THSD4: variants seen among roughly 807,000 people sequenced by gnomAD.
The protein encoded by THSD4 is thrombospondin type 1 domain containing 4.
Under a neutral mutation model 119.0 loss-of-function variants are expected in THSD4, and 69 were observed. That is an observed-to-expected ratio of 0.58 (90% CI 0.48 to 0.71). The LOEUF is 0.71. THSD4 is among the 30% of genes least tolerant of loss of function. The pLI is 0.00. For synonymous variants in THSD4, 524 were observed against 540.4 expected, an observed-to-expected ratio of 0.97 and a Z score of 0.42; for missense variants, 1,393 against 1,391.1, an observed-to-expected ratio of 1.00 and a Z score of -0.02.
At chr15:71,296,280 A>G (rs748052703) in intron 6 of THSD4, among the ~76,000 whole-genome samples, 1 of 152,206 alleles carries the variant, frequency 6.6e-6, no homozygotes, top group Non-Finnish European at 1.5e-5. Flanking sequence ...TCAACAATAG[A>G]TAAGGGTTAC....
intron 6 of THSD4, among the ~76,000 whole-genome samples, chr15:71,259,445 A>G (rs1425562526): frequency 6.6e-6 from 1 of 152,112 alleles, no homozygotes; most frequent in African/African-American, 2.4e-5. Flanking sequence ...AAGGTTCTGG[A>G]TTGATTGAGA....
At chr15:71,647,419 T>C (rs970312291) in intron 7 of THSD4, among the ~76,000 whole-genome samples, 1 of 152,204 alleles carries the variant, frequency 6.6e-6, no homozygotes, top group African/African-American at 2.4e-5. Flanking sequence ...TGAAGGAGCC[T>C]TCATGTTTAA....
intron 6 of THSD4, among the ~76,000 whole-genome samples, chr15:71,411,295 C>T (rs572946397): frequency 6.6e-6 from 1 of 152,224 alleles, no homozygotes; most frequent in African/African-American, 2.4e-5. Flanking sequence ...CCTCTATCAT[C>T]AAATATGGGG....
At chr15:71,246,619 A>G (rs1208864681) in intron 5 of THSD4, among the ~76,000 whole-genome samples, 1 of 152,174 alleles carries the variant, frequency 6.6e-6, no homozygotes, top group African/African-American at 2.4e-5. Flanking sequence ...ATTAAGACCT[A>G]TCTTATGGTG....
intron 4 of THSD4, among the ~76,000 whole-genome samples, chr15:71,224,866 C>T (rs937185284): frequency 2.4e-4 from 37 of 152,186 alleles, no homozygotes; most frequent in African/African-American, 8.4e-4. Context: ...CCCAGGTAAT[C>T]CAGGATAATC....
chr15:71,214,998 G>T, intron 3 of THSD4, 37 bp from the exon 4 acceptor site: 2 of 1,238,212 alleles, frequency 1.6e-6, no homozygotes, highest in African/African-American at 1.6e-5. Flanking sequence ...AGAGAGGAGC[G>T]GTGTTCTGGT....
intron 7 of THSD4, among the ~76,000 whole-genome samples, chr15:71,471,729 G>C (rs898320085): frequency 2.6e-5 from 4 of 151,452 alleles, no homozygotes; most frequent in African/African-American, 9.7e-5. Context: ...TCTATCAAGT[G>C]GGGGTCATAA....
At chr15:71,353,530 G>A (rs1027914890) in intron 6 of THSD4, among the ~76,000 whole-genome samples, 1 of 152,168 alleles carries the variant, frequency 6.6e-6, no homozygotes, top group Non-Finnish European at 1.5e-5. Flanking sequence ...TACATCTGAG[G>A]TCCCTGACCC....
intron 7 of THSD4, among the ~76,000 whole-genome samples, chr15:71,460,382 A>G (rs1341458406): frequency 6.6e-6 from 1 of 151,080 alleles, no homozygotes; most frequent in African/African-American, 2.4e-5. Flanking sequence ...TGGTATATTA[A>G]AAGGCACTTA....
chr15:71,664,143 C>T (rs966807022), intron 8 of THSD4, among the ~76,000 whole-genome samples: 11 of 151,968 alleles, frequency 7.2e-5, no homozygotes, highest in Non-Finnish European at 1.2e-4. Flanking sequence ...CCACCATACC[C>T]GGCTAATTTT....
intron 8 of THSD4, among the ~76,000 whole-genome samples, chr15:71,718,448 G>A (rs2052651351): frequency 6.6e-6 from 1 of 152,192 alleles, no homozygotes; most frequent in African/African-American, 2.4e-5. Context: ...GCTGGGAGAG[G>A]CATGGTAGGT....
intron 7 of THSD4, among the ~76,000 whole-genome samples, chr15:71,514,731 T>A (rs889896433): frequency 4.6e-5 from 7 of 152,328 alleles, no homozygotes; most frequent in African/African-American, 1.4e-4. Flanking sequence ...TAATCTCTGA[T>A]CTTTGTTTTT....
chr15:71,427,028 A>G (rs996176224), intron 7 of THSD4, among the ~76,000 whole-genome samples: 3 of 152,076 alleles, frequency 2.0e-5, no homozygotes, highest in Non-Finnish European at 2.9e-5. Context: ...ACCTCTTGAA[A>G]CCTTAAACTG....
At chr15:71,584,629 C>A (rs918724074) in intron 7 of THSD4, among the ~76,000 whole-genome samples, 3 of 152,156 alleles carry the variant, frequency 2.0e-5, no homozygotes, top group African/African-American at 4.8e-5. Context: ...CTCTGATAGG[C>A]AATGTATAGT....
intron 1 of THSD4, among the ~76,000 whole-genome samples, chr15:71,116,226 C>G (rs2040361069): frequency 6.6e-6 from 1 of 152,234 alleles, no homozygotes; most frequent in South Asian, 2.1e-4. Context: ...TTGCTGCAAC[C>G]CAGCGAGCGC....
chr15:71,256,123 A>C (rs2044313217), intron 5 of THSD4, among the ~76,000 whole-genome samples: 1 of 152,236 alleles, frequency 6.6e-6, no homozygotes, highest in Non-Finnish European at 1.5e-5. Flanking sequence ...TTTTTGATGC[A>C]GGTTTTGAGC....
intron 3 of THSD4, among the ~76,000 whole-genome samples, chr15:71,184,557 T>C (rs2043578007): frequency 6.6e-6 from 1 of 151,818 alleles, no homozygotes; most frequent in Non-Finnish European, 1.5e-5. Flanking sequence ...TTGTCTCAAT[T>C]TCATAGATGA....
At chr15:71,250,106 G>T (rs999179385) in intron 5 of THSD4, among the ~76,000 whole-genome samples, 9 of 151,942 alleles carry the variant, frequency 5.9e-5, no homozygotes, top group African/African-American at 1.7e-4. Flanking sequence ...CATTTTTCTC[G>T]TGTTGGGCTA....
At chr15:71,764,856 A>T (rs988949422) in intron 15 of THSD4, among the ~76,000 whole-genome samples, 164 bp from the exon 16 acceptor site, 1 of 152,384 alleles carries the variant, frequency 6.6e-6, no homozygotes, top group East Asian at 1.9e-4. Flanking sequence ...ACTGCATTCC[A>T]TATGCCATTT....
Sources: allele counts gnomAD v4.1 joint callset (sites outside exome capture counted in the v4.1 genomes callset), GRCh38; gene constraint gnomAD v4.1.1; transcripts MANE v1.5; gene names NCBI Gene and HGNC (gene_info 2026-07-23, HGNC 2026-07-21).